The following PDCD6IP variants were observed in gnomAD, a reference collection of about 807,000 sequenced individuals.
PDCD6IP encodes the protein programmed cell death 6-interacting protein.
PDCD6IP carries 43 observed loss-of-function variants against 103.7 expected under a neutral mutation model. The ratio of observed to expected loss-of-function variants is 0.41; its 90% confidence interval spans 0.32 to 0.53. PDCD6IP has a LOEUF of 0.53. Ranked by LOEUF, PDCD6IP falls within the 20% of genes least tolerant of loss-of-function variation. The pLI is 0.16. For missense variants in PDCD6IP, 871 were observed against 1,036.7 expected (o/e 0.84, Z 2.20); for synonymous variants, 354 against 378.7 (o/e 0.93, Z 0.76).
intron 3 of PDCD6IP, among the ~76,000 whole-genome samples, chr3:33,820,446 A>G (rs1696964920): frequency 6.6e-6 from 1 of 152,158 alleles, no homozygotes; most frequent in African/African-American, 2.4e-5. Flanking sequence ...TATCTTAATC[A>G]TTTTTAAGTA....
chr3:33,865,186 T>C (rs1559801118), intron 16 of PDCD6IP, 57 bp from the exon 17 acceptor site: 2 of 1,218,324 alleles, frequency 1.6e-6, no homozygotes, highest in Non-Finnish European at 2.2e-6. Context: ...TTTTAATTAA[T>C]AGCAATTTGA....
rs746377538 is a variant in PDCD6IP, at chr3:33,844,249, A to G, written c.1471+26A>G. On this transcript the variant is annotated intron_variant, in intron 11 of 17. Coordinates refer to ENST00000307296, the MANE Select transcript of PDCD6IP (RefSeq NM_013374.6). ...GTAAAAATGTGTATAAATGACCTTC[A>G]TTTGAATAAATTCCCAATTTCGACC... The G allele has an allele frequency of 4.8e-6, 6 of 1,255,350 alleles. No homozygotes were observed. The East Asian group carries it at 1.1e-4, about 23-fold the overall frequency. 77.8% of individuals were successfully genotyped at this position (1,255,350 alleles called of 1,614,324 possible). A position where few individuals can be genotyped will look rare whatever the true frequency, so the allele number is the denominator to read the frequency against.
chr3:33,826,643 G>A (rs769843148), intron 6 of PDCD6IP, 63 bp downstream of exon 6: 10 of 1,587,060 alleles, frequency 6.3e-6, no homozygotes, highest in Non-Finnish European at 7.7e-6. Context: ...ACTTTTTTGT[G>A]TATAAGAAGC....
Position 33,836,377 on chromosome 3 carries a change from T to G in PDCD6IP, c.1057+111T>G, listed in dbSNP as rs1697348922. 8 of 643,706 alleles carry G rather than the reference T, an allele frequency of 1.2e-5. No homozygotes were observed. The South Asian group carries it at 1.3e-4, about 11-fold the overall frequency. The allele number at this position is 643,706 out of a possible 1,614,324, so 39.9% of individuals were successfully genotyped here. ...TGTATGCTTTGAATATAATTTGTAT[T>G]CATGTTGTTTAAAATGAATATGAGA... is the stretch of plus-strand genomic sequence containing the variant. On this transcript the variant is annotated intron_variant, in intron 8 of 17. Transcript: ENST00000307296.
At chr3:33,846,861 CAT>C (rs1697604152) in intron 12 of PDCD6IP, among the ~76,000 whole-genome samples, 1 of 152,148 alleles carries the variant, frequency 6.6e-6, no homozygotes, top group Admixed American at 6.5e-5. Context: ...TGGTCCCTAA[CAT>C]AAAGAGACAA....
At chr3:33,841,641 T>C (rs1418013962) in intron 9 of PDCD6IP, among the ~76,000 whole-genome samples, 2 of 151,588 alleles carry the variant, frequency 1.3e-5, no homozygotes, top group African/African-American at 4.8e-5. Flanking sequence ...GGTTTCACCA[T>C]GTTAGCCAGG....
intron 12 of PDCD6IP, among the ~76,000 whole-genome samples, chr3:33,852,283 G>A (rs1313172294): frequency 3.9e-5 from 6 of 152,134 alleles, no homozygotes; most frequent in African/African-American, 1.4e-4. Flanking sequence ...GTTGGCTATT[G>A]TTATTAATGC....
chr3:33,850,554 A>G (rs961823430), intron 12 of PDCD6IP, among the ~76,000 whole-genome samples: 19 of 152,114 alleles, frequency 1.2e-4, no homozygotes, highest in African/African-American at 4.6e-4. Context: ...ATGCATACAT[A>G]TGTATACATA....
At position 33,852,659 on chromosome 3, in the gene PDCD6IP, G is replaced by A. The variant is rs1182487467; in HGVS notation, c.1813G>A (p.Asp605Asn). 2 of 1,598,978 alleles carry A rather than the reference G, an allele frequency of 1.3e-6. No homozygotes were observed. The highest frequency in any genetic ancestry group is 4.5e-5 in the East Asian group (2 of 44,788). The change falls in exon 13 of 18, where the codon GAT (aspartate) becomes AAT (asparagine). Residue 605 changes from aspartate (D) to asparagine (N), a missense_variant. Physicochemically the swap from Asp to Asn is conservative, Grantham distance 23. Coordinates refer to ENST00000307296, the MANE Select transcript of PDCD6IP (RefSeq NM_013374.6). ...AGAAGCTCTTTCTGTTACTGAACTA[G>A]ATCGAGTCTATGGAGGTCTTACAAC... The part of the protein sequence containing the change: ...NEEALSVTEL[D>N]RVYGGLTTKV...
intron 15 of PDCD6IP, among the ~76,000 whole-genome samples, chr3:33,858,607 G>A (rs1478815045): frequency 1.3e-5 from 2 of 152,100 alleles, no homozygotes; most frequent in Non-Finnish European, 2.9e-5. Flanking sequence ...TCAGGAGATC[G>A]AGACCATCCT....
At chr3:33,803,856 T>G (rs1321287846) in intron 1 of PDCD6IP, among the ~76,000 whole-genome samples, 1 of 152,194 alleles carries the variant, frequency 6.6e-6, no homozygotes, top group Non-Finnish European at 1.5e-5. Context: ...TAGTTTTCCA[T>G]CTTTTTGGTT....
At chr3:33,825,037 G>A (rs1697085961) in intron 4 of PDCD6IP, 150 bp from the exon 5 acceptor site, 1 of 650,058 alleles carries the variant, frequency 1.5e-6, no homozygotes, top group African/African-American at 1.9e-5. Context: ...TTGTCTGTAG[G>A]TCAGATGTTT....
At chr3:33,816,259 C>G (rs1287152865) in intron 3 of PDCD6IP, among the ~76,000 whole-genome samples, 1 of 152,132 alleles carries the variant, frequency 6.6e-6, no homozygotes, top group East Asian at 1.9e-4. Flanking sequence ...GTAATCCCAG[C>G]AGTTTGGGAG....
chr3:33,855,332 A>G (rs1464983273), intron 15 of PDCD6IP, 72 bp downstream of exon 15: 3 of 928,334 alleles, frequency 3.2e-6, no homozygotes, highest in East Asian at 2.5e-5. Context: ...GACTTTTGGT[A>G]TGAACTTGGT....
Position 33,865,317 on chromosome 3 carries a change from T to A in PDCD6IP, c.2319T>A (p.Ala773=), listed in dbSNP as rs367637102. 2 of 1,594,802 alleles carry A rather than the reference T, an allele frequency of 1.3e-6. No individual in the cohort carries two copies. Among genetic ancestry groups the A allele is most frequent in the Non-Finnish European group, 1.7e-6 (2 of 1,171,572 alleles). The change falls in exon 17 of 18, where the codon GCT becomes GCA. Residue 773 remains alanine (A), a synonymous_variant. Transcript: ENST00000307296. ...LPANRAPSAT[A]PSPVGAGTAA... Reference sequence around the variant, plus strand: ...CAAATCGAGCTCCTTCTGCTACTGCTCCATCTCCAGTGGGGGCTGGGACTG... The same window carrying A: ...CAAATCGAGCTCCTTCTGCTACTGCACCATCTCCAGTGGGGGCTGGGACTG...
At chr3:33,837,026 T>C (rs1009351921) in intron 8 of PDCD6IP, among the ~76,000 whole-genome samples, 1 of 151,952 alleles carries the variant, frequency 6.6e-6, no homozygotes, top group Admixed American at 6.6e-5. Flanking sequence ...GTTCAAGTGA[T>C]TCTCCTGCCT....
At chr3:33,836,819 A>G (rs930105899) in intron 8 of PDCD6IP, among the ~76,000 whole-genome samples, 7 of 151,958 alleles carry the variant, frequency 4.6e-5, no homozygotes, top group Non-Finnish European at 1.0e-4. Flanking sequence ...AGACCGTGCC[A>G]CCATACTCCA....
At chr3:33,842,488 A>G (rs1697496993) in intron 10 of PDCD6IP, among the ~76,000 whole-genome samples, 1 of 151,360 alleles carries the variant, frequency 6.6e-6, no homozygotes. Context: ...AAATATATTA[A>G]ATATATTTGT....
At chr3:33,858,634 C>T (rs535954724) in intron 15 of PDCD6IP, among the ~76,000 whole-genome samples, 1 of 152,202 alleles carries the variant, frequency 6.6e-6, no homozygotes, top group Non-Finnish European at 1.5e-5. Context: ...CACGGTGAAA[C>T]CCCGTCTCTA....
Sources: gnomAD v4.1 joint callset for allele counts (sites outside exome capture counted in the v4.1 genomes callset) on GRCh38, gnomAD v4.1.1 for gene constraint, MANE v1.5 for transcripts, NCBI Gene and HGNC (gene_info 2026-07-23, HGNC 2026-07-21) for gene names.